Variants in RP1 observed in about 807,000 individuals in gnomAD.
RP1 encodes RP1 axonemal microtubule associated.
In RP1, 16 loss-of-function variants were observed where a neutral mutation model predicts 14.8. That is an observed-to-expected ratio of 1.08 (90% CI 0.73 to 1.65). The LOEUF is 1.65. Among genes scored for constraint, RP1 ranks in the 40% most tolerant of loss-of-function variants. The pLI, the probability that RP1 is intolerant of heterozygous loss-of-function variation, is 0.00. For missense variants in RP1, 2,631 were observed against 2,535.0 expected, an observed-to-expected ratio of 1.04 and a Z score of -0.81; for synonymous variants, 876 against 883.6, an observed-to-expected ratio of 0.99 and a Z score of 0.15.
intron 7 of RP1, among the ~76,000 whole-genome samples, chr8:54,667,751 A>G (rs1008200565): frequency 3.9e-5 from 6 of 151,922 alleles, no homozygotes; most frequent in Non-Finnish European, 5.9e-5. Context: ...AAAGTCAGAA[A>G]CCTCCAGTCT....
chr8:54,648,005 C>G (rs1451416857), intron 3 of RP1, among the ~76,000 whole-genome samples: 1 of 152,100 alleles, frequency 6.6e-6, no homozygotes, highest in Non-Finnish European at 1.5e-5. Context: ...CCATGCTATT[C>G]TCATGATAGT....
chr8:54,800,320 G>A (rs1810673218), intron 24 of RP1, among the ~76,000 whole-genome samples: 1 of 151,612 alleles, frequency 6.6e-6, no homozygotes, highest in Non-Finnish European at 1.5e-5. Context: ...TGTGTGTGTT[G>A]GGGGGGTGTG....
chr8:54,569,562 C>T (rs1385688053), intron 1 of RP1, among the ~76,000 whole-genome samples: 1 of 152,042 alleles, frequency 6.6e-6, no homozygotes, highest in Non-Finnish European at 1.5e-5. Flanking sequence ...AGTCTGCCAC[C>T]CAAATGAAAA....
chr8:54,564,042 G>C (rs542956168), intron 1 of RP1, among the ~76,000 whole-genome samples: 230 of 152,314 alleles, frequency 1.5e-3, no homozygotes, highest in African/African-American at 5.3e-3. Context: ...CTGCGGAGTT[G>C]TTGCCCAACT....
chr8:54,867,825 C>G (rs1490443820), intron 28 of RP1, among the ~76,000 whole-genome samples: 1 of 152,082 alleles, frequency 6.6e-6, no homozygotes, highest in Non-Finnish European at 1.5e-5. Flanking sequence ...TCACATATGG[C>G]TAATTAAATT....
chr8:54,563,094 T>C (rs1389416793), intron 1 of RP1, among the ~76,000 whole-genome samples: 2 of 152,182 alleles, frequency 1.3e-5, no homozygotes, highest in Non-Finnish European at 2.9e-5. Flanking sequence ...CTAAATCAGC[T>C]CTTCAGAGAG....
At chr8:54,709,677 C>G (rs1808249384) in intron 15 of RP1, among the ~76,000 whole-genome samples, 1 of 152,120 alleles carries the variant, frequency 6.6e-6, no homozygotes, top group Non-Finnish European at 1.5e-5. Flanking sequence ...GCACATAAGG[C>G]AGAGATTCTC....
At chr8:54,866,258 G>A (rs958415899) in intron 28 of RP1, among the ~76,000 whole-genome samples, 4 of 152,218 alleles carry the variant, frequency 2.6e-5, no homozygotes, top group Middle Eastern at 6.8e-3. Flanking sequence ...ACTTCTCTGA[G>A]GTTCAATGTC....
chr8:54,625,052 T>C lies in RP1; in HGVS notation c.1170T>C (p.Asp390=), dbSNP rs1271860220. 1 of 1,614,198 alleles carries C rather than the reference T, an allele frequency of 6.2e-7. No individual in the cohort carries two copies. Among genetic ancestry groups the C allele is most frequent in the East Asian group, 2.2e-5 (1 of 44,872 alleles). ...TTGCAGCATGTTCATTCTCTGCAGATGTGTCACCTATGGAGCGAAGCAGTA... is the reference window on the plus strand; with the variant it reads ...TTGCAGCATGTTCATTCTCTGCAGACGTGTCACCTATGGAGCGAAGCAGTA... ...LKLAACSFSA[D]VSPMERSSNQ... Residue 390 remains aspartate, a synonymous_variant, in exon 4 of 4, where the codon GAT becomes GAC. Coordinates refer to ENST00000220676, the MANE Select transcript of RP1 (RefSeq NM_006269.2).
At position 54,810,866 on chromosome 8, in the gene RP1, T is replaced by C. The variant is rs12675575; in HGVS notation, c.3616-26584T>C. 4.4e-3 allele frequency among the ~76,000 whole-genome samples: 674 copies of C among 152,224 alleles called. 41 individuals are homozygous for C. The East Asian group carries it at 0.11, about 25-fold the overall frequency. ...TCTGCTGGCTTTGAGGCAGAACCTG[T>C]TAGCAGGCCAAGCCTTTGTTTTTGC... On this transcript the variant is annotated intron_variant, in intron 24 of 28. Coordinates refer to the RP1 transcript ENST00000637698.
In RP1 at chr8:54,629,732, T is replaced by C. The variant is rs891326772; in HGVS notation, c.5850T>C (p.Tyr1950=). Residue 1950 remains tyrosine, a synonymous_variant, in exon 4 of 4, where the codon TAT becomes TAC. Transcript: ENST00000220676. ...ATATTGAAAATTTCTTGGGTTTTTATTTATGGATGAAAATACACCCATATT... is the reference window on the plus strand; with the variant it reads ...ATATTGAAAATTTCTTGGGTTTTTACTTATGGATGAAAATACACCCATATT... ...ESDIENFLGF[Y]LWMKIHPYLL... The C allele has an allele frequency of 2.5e-6, 4 of 1,611,804 alleles. No homozygotes were observed. Among genetic ancestry groups the C allele is most frequent in the Admixed American group, 3.3e-5 (2 of 59,778 alleles).
At chr8:54,749,064 T>A (rs1445070879) in intron 19 of RP1, among the ~76,000 whole-genome samples, 2 of 152,190 alleles carry the variant, frequency 1.3e-5, no homozygotes, top group African/African-American at 4.8e-5. Context: ...AAGATAAGAT[T>A]ATTTTATTTA....
intron 24 of RP1, among the ~76,000 whole-genome samples, chr8:54,788,027 C>T (rs1810368500): frequency 6.6e-6 from 1 of 152,164 alleles, no homozygotes; most frequent in Non-Finnish European, 1.5e-5. Flanking sequence ...AAGTATAAAA[C>T]ACTCTTATCA....
chr8:54,565,949 C>T (rs1804395922), intron 1 of RP1, among the ~76,000 whole-genome samples: 1 of 152,106 alleles, frequency 6.6e-6, no homozygotes, highest in African/African-American at 2.4e-5. Context: ...GTGTGCTGGC[C>T]ATCTTTGACA....
chr8:54,683,191 T>C (rs1807477108), intron 12 of RP1, among the ~76,000 whole-genome samples: 1 of 152,202 alleles, frequency 6.6e-6, no homozygotes, highest in African/African-American at 2.4e-5. Flanking sequence ...CCGTGCTGTT[T>C]TGGTTACTGT....
intron 22 of RP1, among the ~76,000 whole-genome samples, chr8:54,765,105 C>A (rs997135882): frequency 6.6e-6 from 1 of 152,254 alleles, no homozygotes. Flanking sequence ...CACCAGCAGG[C>A]CGCATCTCCA....
chr8:54,681,815 T>C (rs1171694410), intron 12 of RP1, among the ~76,000 whole-genome samples: 1 of 152,116 alleles, frequency 6.6e-6, no homozygotes, highest in African/African-American at 2.4e-5. Context: ...GTTCCTGGAT[T>C]AGTTTGCTGA....
At chr8:54,852,595 T>A in exon 26 of RP1, 1 of 1,231,948 alleles carries the variant, frequency 8.1e-7, no homozygotes, top group Non-Finnish European at 1.0e-6. Context: ...GAGATTCGCA[T>A]ATACACAGGC....
chr8:54,821,966 G>A (rs1339739160), intron 24 of RP1, among the ~76,000 whole-genome samples: 2 of 152,178 alleles, frequency 1.3e-5, no homozygotes, highest in Admixed American at 6.5e-5. Flanking sequence ...AAGGACAGAA[G>A]AGCAAACTTA....
Sources: gnomAD v4.1 joint callset for allele counts (sites outside exome capture counted in the v4.1 genomes callset) on GRCh38, gnomAD v4.1.1 for gene constraint, MANE v1.5 for transcripts, NCBI Gene and HGNC (gene_info 2026-07-23, HGNC 2026-07-21) for gene names.